PEG3: variants seen among roughly 807,000 people sequenced by gnomAD.
PEG3 encodes the protein paternally expressed 3, also known as paternally-expressed gene 3 protein.
Under a neutral mutation model 35.5 loss-of-function variants are expected in PEG3, and 23 were observed. The observed-to-expected ratio is 0.65, with a 90% confidence interval of 0.47 to 0.92. The LOEUF is 0.92. Among genes scored for constraint, PEG3 ranks in the 40% least tolerant of loss-of-function variants. The probability of loss-of-function intolerance (pLI) is 0.00; values close to 1 mark genes in which losing one functional copy is unlikely to be tolerated. For synonymous variants in PEG3, 707 were observed against 697.0 expected (o/e 1.01, Z -0.23); for missense variants, 1,960 against 1,985.3 (o/e 0.99, Z 0.24).
chr19:56,838,981 G>A (rs1052169047), intron 1 of PEG3, among the ~76,000 whole-genome samples: 14 of 151,942 alleles, frequency 9.2e-5, no homozygotes, highest in African/African-American at 2.2e-4. Flanking sequence ...GCCTTGCCCC[G>A]CCGCATCTGC....
rs781716775 is a variant in PEG3, at chr19:56,824,681, G to A, written c.-26C>T. 3 of 1,579,868 alleles carry A rather than the reference G, an allele frequency of 1.9e-6. No individual in the cohort carries two copies. Among genetic ancestry groups the A allele is most frequent in the South Asian group, 1.2e-5 (1 of 86,712 alleles). On this transcript the variant is annotated 5_prime_UTR_variant, in exon 4 of 10. Transcript: ENST00000326441. ...TTCTCTAAGTAAAATTTTCACTGGAGGAACCAAACATGAGTCAACAGGAAA... is the reference window on the plus strand; with the variant it reads ...TTCTCTAAGTAAAATTTTCACTGGAAGAACCAAACATGAGTCAACAGGAAA...
rs1158038044 is a variant in PEG3, at chr19:56,817,546, G to T, written c.896C>A (p.Thr299Asn). 1.0e-5 allele frequency: 16 copies of T among 1,596,966 alleles called. No homozygotes were observed. Among genetic ancestry groups the T allele is most frequent in the Non-Finnish European group, 1.3e-5 (15 of 1,170,550 alleles). Residue 299 changes from threonine (T) to asparagine (N), a missense_variant, in exon 10 of 10, where the codon ACC becomes AAC. This residue lies in a region of PEG3 where 613 missense variants were observed against 577.1 expected (regional missense o/e 1.06). Coordinates refer to ENST00000326441, the MANE Select transcript of PEG3 (RefSeq NM_006210.3). ...ATCTTCACAAATCCCCCGCCGGTGG[G>T]TTGATTTTTTGGCTTCAGGCATAGT... Reference protein sequence around the residue: ...LKTMPEAKKSTHRRGICEDES... With the variant: ...LKTMPEAKKSNHRRGICEDES...
In PEG3 at chr19:56,815,571, A is replaced by G. The variant is rs1441434461; in HGVS notation, c.2871T>C (p.Phe957=). 1 of 1,614,104 alleles carries G rather than the reference A, an allele frequency of 6.2e-7. No homozygotes were observed. The highest frequency in any genetic ancestry group is 1.3e-5 in the African/African-American group (1 of 75,070). The stretch of plus-strand genomic sequence containing the variant: ...CTCGAGGGCGAAATGTTTGTTCACC[A>G]AAAGGCAGAGAGTGAATTACAGAGG... ...NETSVIHSLP[F]GEQTFRPRGM... is the part of the protein sequence containing the mutation. The change falls in exon 10 of 10, where the codon TTT becomes TTC. Residue 957 remains phenylalanine (F), a synonymous_variant. Transcript: ENST00000326441.
chr19:56,818,554 G>A, intron 8 of PEG3, 46 bp downstream of exon 8: 1 of 1,600,572 alleles, frequency 6.2e-7, no homozygotes, highest in Non-Finnish European at 8.6e-7. Flanking sequence ...ATGACAAAAT[G>A]CTCCAATGAC....
intron 8 of PEG3, 143 bp from the exon 9 acceptor site, chr19:56,817,978 C>A (rs1231234959): frequency 1.2e-5 from 8 of 657,728 alleles, no homozygotes; most frequent in Non-Finnish European, 2.2e-5. Flanking sequence ...AAGACATTTG[C>A]TGTCTCATTT....
At position 56,813,380 on chromosome 19, in the gene PEG3, CA is replaced by C. The variant is rs1461381370; in HGVS notation, c.*294del. On this transcript the variant is annotated 3_prime_UTR_variant, in exon 10 of 10. Coordinates refer to ENST00000326441, the MANE Select transcript of PEG3 (RefSeq NM_006210.3). ...AAGTGTCATTTACAGTTGATTTGGG[CA>C]AACTCTGTAGTCTGGAATACTCATA... 1.4e-5 allele frequency: 17 copies of C among 1,180,416 alleles called. No homozygotes were observed. Among genetic ancestry groups the C allele is most frequent in the Non-Finnish European group, 1.8e-5 (17 of 952,076 alleles). The allele number at this position is 1,180,416 out of a possible 1,614,324, so 73.1% of individuals were successfully genotyped here.
intron 2 of PEG3, among the ~76,000 whole-genome samples, chr19:56,828,597 CT>C (rs1316925835): frequency 6.6e-6 from 1 of 152,098 alleles, no homozygotes; most frequent in Non-Finnish European, 1.5e-5. Flanking sequence ...ATGGGTCCAA[CT>C]TTTCTGCACT....
chr19:56,812,660 C>T lies in PEG3; in HGVS notation c.*1015G>A. On this transcript the variant is annotated 3_prime_UTR_variant, in exon 10 of 10. Coordinates refer to ENST00000326441, the MANE Select transcript of PEG3 (RefSeq NM_006210.3). ...GGTTATTAGCCTGCAACATTATTTA[C>T]AGCATGAGAGCCTCTCCTACGGTTC... 2.0e-6 allele frequency: 2 copies of T among 985,706 alleles called. No homozygotes were observed. The highest frequency in any genetic ancestry group is 2.4e-6 in the Non-Finnish European group (2 of 829,882). The allele number at this position is 985,706 out of a possible 1,614,324, so 61.1% of individuals were successfully genotyped here. A position where few individuals can be genotyped will look rare whatever the true frequency, so the allele number is the denominator to read the frequency against.
rs2059625190 is a variant in PEG3, at chr19:56,812,793, A to G, written c.*882T>C. Reference sequence around the variant, plus strand: ...AAGCTTCGGGTTTTATCAATTCACTATCATCAAACACATATTGAGTTGGTT... The same window carrying G: ...AAGCTTCGGGTTTTATCAATTCACTGTCATCAAACACATATTGAGTTGGTT... On this transcript the variant is annotated 3_prime_UTR_variant, in exon 10 of 10. Transcript: ENST00000326441. 1 of 979,594 alleles carries G rather than the reference A, an allele frequency of 1.0e-6. No individual in the cohort carries two copies. The highest frequency in any genetic ancestry group is 1.2e-6 in the Non-Finnish European group (1 of 827,020). 60.7% of individuals were successfully genotyped at this position (979,594 alleles called of 1,614,324 possible).
rs535012135 is a variant in PEG3, at chr19:56,824,448, G to A, written c.208C>T (p.Leu70Phe). Residue 70 changes from leucine to phenylalanine, a missense_variant, in exon 4 of 10, where the codon CTC (leucine) becomes TTC (phenylalanine). Around this residue, in one of 5 missense-constraint regions of PEG3, gnomAD observed 613 missense variants for 577.1 expected, o/e 1.06. Transcript: ENST00000326441. ...TCCGGCTGCAACCAATCGAGGCAGA[G>A]GTTTCGGAGTTTGATCAGGGTCTTC... is the stretch of plus-strand genomic sequence containing the variant. ...PRKTLIKLRN[L>F]CLDWLQPETR... is the part of the protein sequence containing the mutation. 5 of 1,614,150 alleles carry A rather than the reference G, an allele frequency of 3.1e-6. No individual in the cohort carries two copies. Among genetic ancestry groups the A allele is most frequent in the African/African-American group, 1.3e-5 (1 of 75,032 alleles).
At chr19:56,831,584 T>C (rs2061574935) in intron 2 of PEG3, among the ~76,000 whole-genome samples, 2 of 152,246 alleles carry the variant, frequency 1.3e-5, no homozygotes, top group Non-Finnish European at 2.9e-5. Flanking sequence ...TACTTTGTTC[T>C]AAGTAAGTTA....
At chr19:56,817,721 T>C (rs773050532) in intron 9 of PEG3, 25 bp downstream of exon 9, 1 of 1,602,366 alleles carries the variant, frequency 6.2e-7, no homozygotes, top group South Asian at 1.1e-5. Flanking sequence ...GTGTGGCTCC[T>C]CTGTGGGATG....
chr19:56,810,505 TGTTGG>T lies in PEG3; in HGVS notation c.*3165_*3169del. The T allele has an allele frequency of 1.0e-6, 1 of 984,932 alleles. No homozygotes were observed. Among genetic ancestry groups the T allele is most frequent in the Non-Finnish European group, 1.2e-6 (1 of 829,454 alleles). 61.0% of individuals were successfully genotyped at this position (984,932 alleles called of 1,614,324 possible). A position where few individuals can be genotyped will look rare whatever the true frequency, so the allele number is the denominator to read the frequency against. On this transcript the variant is annotated 3_prime_UTR_variant, in exon 10 of 10. Transcript: ENST00000326441. Reference sequence around the variant, plus strand: ...GATCAAGATGTTAACAGTTAATTGTTGTTGGGTGTTGGGAATATGTGTGAATTTTC... The same window carrying T: ...GATCAAGATGTTAACAGTTAATTGTTGTGTTGGGAATATGTGTGAATTTTC...
Position 56,814,342 on chromosome 19 carries a change from G to GCAGCTGCTGCTGCTT in PEG3, c.4085_4099dup (p.Glu1362_Ala1366dup). On this transcript the variant is annotated inframe_insertion, in exon 10 of 10. Transcript: ENST00000326441. The surrounding 1 kb of genome is among the most constrained non-coding windows in gnomAD (Gnocchi z 5.8). Reference sequence around the variant, plus strand: ...TTCAACTTCCTGGGCTGCTGCTGCTGCAGCTGCTGCTGCTTCATCTTCTTC... The same window carrying GCAGCTGCTGCTGCTT: ...TTCAACTTCCTGGGCTGCTGCTGCTGCAGCTGCTGCTGCTTCAGCTGCTGCTGCTTCATCTTCTTC... 2 of 1,613,326 alleles carry GCAGCTGCTGCTGCTT rather than the reference G, an allele frequency of 1.2e-6. No individual in the cohort carries two copies. Among genetic ancestry groups the GCAGCTGCTGCTGCTT allele is most frequent in the Non-Finnish European group, 1.7e-6 (2 of 1,179,446 alleles).
chr19:56,819,097 C>T (rs1433412583), intron 7 of PEG3, among the ~76,000 whole-genome samples: 2 of 152,084 alleles, frequency 1.3e-5, no homozygotes, highest in Admixed American at 1.3e-4. Flanking sequence ...CAGGTGGGGC[C>T]TTAAGTGGTA....
chr19:56,833,056 T>A, intron 2 of PEG3: 1 of 438,302 alleles, frequency 2.3e-6, no homozygotes, highest in Non-Finnish European at 4.6e-6. Context: ...AAATGATGGG[T>A]CAGTGTTCAA....
chr19:56,829,344 A>C (rs1262601894), intron 2 of PEG3, among the ~76,000 whole-genome samples: 1 of 85,590 alleles, frequency 1.2e-5, no homozygotes, highest in South Asian at 3.8e-4. Context: ...ACTCCATCTC[A>C]AAAAAAAAAA....
chr19:56,828,397 C>CATTGA (rs1219193670), intron 2 of PEG3, among the ~76,000 whole-genome samples: 1 of 152,180 alleles, frequency 6.6e-6, no homozygotes, highest in Non-Finnish European at 1.5e-5. Flanking sequence ...CCTATCTTGG[C>CATTGA]AATTCCACTT....
rs1311579440 is a variant in PEG3, at chr19:56,824,526, A to T, written c.130T>A (p.Phe44Ile). Residue 44 changes from phenylalanine to isoleucine, a missense_variant, in exon 4 of 10, where the codon TTT (phenylalanine) becomes ATT (isoleucine). This residue lies in a region of PEG3 where 613 missense variants were observed against 577.1 expected (regional missense o/e 1.06). Coordinates refer to ENST00000326441, the MANE Select transcript of PEG3 (RefSeq NM_006210.3). The stretch of plus-strand genomic sequence containing the variant: ...AGGTTCCGAAACCTCTGATGAAAAA[A>T]CTCAGAGTCAGTTGGACCTTCTCCT... ...IIGEGPTDSE[F>I]FHQRFRNLIY... is the part of the protein sequence containing the mutation. 1.2e-6 allele frequency: 2 copies of T among 1,613,404 alleles called. No individual in the cohort carries two copies. The highest frequency in any genetic ancestry group is 2.7e-5 in the African/African-American group (2 of 74,636).
Sources: allele counts gnomAD v4.1 joint callset (sites outside exome capture counted in the v4.1 genomes callset), GRCh38; gene constraint gnomAD v4.1.1; regional missense constraint gnomAD v4.1.1; non-coding constraint Gnocchi (gnomAD v3.1); transcripts MANE v1.5; gene names NCBI Gene and HGNC (gene_info 2026-07-23, HGNC 2026-07-21).